The following WWOX variants were observed in gnomAD, a reference collection of about 807,000 sequenced individuals.
The protein encoded by WWOX is WW domain containing oxidoreductase.
A neutral mutation model predicts 46.2 loss-of-function variants in WWOX; 69 were observed. That is an observed-to-expected ratio of 1.49 (90% confidence interval 1.23 to 1.82). WWOX has a LOEUF of 1.82. WWOX is among the 40% of genes most tolerant of loss of function. The pLI is 0.00. For synonymous variants in WWOX, 359 were observed against 202.6 expected (o/e 1.77, Z -6.56); for missense variants, 919 against 542.6 (o/e 1.69, Z -6.89).
chr16:78,234,340 A>G (rs116095663), intron 5 of WWOX, among the ~76,000 whole-genome samples: 1,670 of 152,212 alleles, frequency 0.011, 18 homozygotes, highest in African/African-American at 0.023. Context: ...TGTTATTACA[A>G]TGCTGCTTTA....
intron 8 of WWOX, among the ~76,000 whole-genome samples, chr16:78,669,064 C>T (rs565854004): frequency 6.6e-6 from 1 of 152,208 alleles, no homozygotes; most frequent in Non-Finnish European, 1.5e-5. Context: ...GAAGGCCCTT[C>T]CACTGAAGCT....
intron 5 of WWOX, among the ~76,000 whole-genome samples, chr16:78,283,115 G>GT (rs2079708031): frequency 6.6e-6 from 1 of 152,238 alleles, no homozygotes; most frequent in East Asian, 1.9e-4. Context: ...AGGGGTAGCT[G>GT]TGAGATACTA....
intron 5 of WWOX, among the ~76,000 whole-genome samples, chr16:78,302,482 G>A (rs1285734530): frequency 6.6e-6 from 1 of 152,112 alleles, no homozygotes; most frequent in African/African-American, 2.4e-5. Flanking sequence ...CACTGCCTCA[G>A]GAGATATTGC....
chr16:78,879,050 A>C (rs899923617), intron 8 of WWOX, among the ~76,000 whole-genome samples: 1 of 152,004 alleles, frequency 6.6e-6, no homozygotes, highest in African/African-American at 2.4e-5. Flanking sequence ...CTGGATCTGG[A>C]AGGAAGGGAG....
chr16:78,828,764 A>G (rs1488456960), intron 8 of WWOX, among the ~76,000 whole-genome samples: 1 of 152,152 alleles, frequency 6.6e-6, no homozygotes, highest in Non-Finnish European at 1.5e-5. Context: ...AGTGGGCACA[A>G]TTATTATTTC....
At chr16:78,926,534 A>G (rs2045502530) in intron 8 of WWOX, among the ~76,000 whole-genome samples, 1 of 152,160 alleles carries the variant, frequency 6.6e-6, no homozygotes, top group African/African-American at 2.4e-5. Context: ...CAGCCATTTA[A>G]AAACTTGTTT....
intron 8 of WWOX, among the ~76,000 whole-genome samples, chr16:78,536,718 G>C (rs562900875): frequency 6.6e-6 from 1 of 152,032 alleles, no homozygotes; most frequent in Non-Finnish European, 1.5e-5. Flanking sequence ...ACTATGAAAA[G>C]GGAAAATGGA....
chr16:78,559,855 C>G (rs772205753), intron 8 of WWOX, among the ~76,000 whole-genome samples: 4 of 152,186 alleles, frequency 2.6e-5, no homozygotes, highest in Admixed American at 1.3e-4. Flanking sequence ...GCTCCACCCT[C>G]CTTCCCCCCT....
At chr16:78,630,281 C>G (rs576996655) in intron 8 of WWOX, among the ~76,000 whole-genome samples, 2 of 152,114 alleles carry the variant, frequency 1.3e-5, no homozygotes, top group African/African-American at 2.4e-5. Flanking sequence ...AGCAGACTGT[C>G]GCAAGCTTGG....
rs376384097 is a variant in WWOX at position 78,714,528 on chromosome 16, C to G, written c.1056+281776C>G. 3.4e-4 allele frequency among the ~76,000 whole-genome samples: 52 copies of G among 151,970 alleles called. 1 individual carries two copies. Among genetic ancestry groups the G allele is most frequent in the African/African-American group, 1.1e-3 (47 of 41,448 alleles). ...TCAAGATGAGATTTTGGTGGGGACA[C>G]AGACACACCATATCATGTCTTGGCA... is the stretch of plus-strand genomic sequence containing the variant. On this transcript the variant is annotated intron_variant, in intron 8 of 8. Coordinates refer to ENST00000566780, the MANE Select transcript of WWOX (RefSeq NM_016373.4).
At chr16:78,587,997 A>T (rs895549059) in intron 8 of WWOX, among the ~76,000 whole-genome samples, 1 of 152,220 alleles carries the variant, frequency 6.6e-6, no homozygotes, top group Admixed American at 6.5e-5. Context: ...TGGCAAATAG[A>T]TAAGATACAA....
intron 5 of WWOX, among the ~76,000 whole-genome samples, chr16:78,360,491 A>G (rs1363714610): frequency 1.3e-5 from 2 of 150,148 alleles, no homozygotes; most frequent in Non-Finnish European, 1.5e-5. Context: ...AGGCTGAGAC[A>G]TGAGAATCAC....
intron 8 of WWOX, among the ~76,000 whole-genome samples, chr16:78,870,208 C>G (rs1313210414): frequency 1.3e-5 from 2 of 152,198 alleles, no homozygotes; most frequent in African/African-American, 4.8e-5. Context: ...TCTGCTTCCT[C>G]AAGATTCTGT....
intron 8 of WWOX, among the ~76,000 whole-genome samples, chr16:78,573,869 A>G (rs764925103): frequency 6.6e-6 from 1 of 152,190 alleles, no homozygotes; most frequent in Non-Finnish European, 1.5e-5. Flanking sequence ...TTAAAACAGC[A>G]CACATTTATT....
chr16:79,209,819 T>G (rs1254002283), intron 8 of WWOX, among the ~76,000 whole-genome samples: 4 of 152,182 alleles, frequency 2.6e-5, no homozygotes, highest in African/African-American at 9.7e-5. Flanking sequence ...TTGAAGTTGT[T>G]TAGATAAATG....
chr16:78,395,934 G>T lies in WWOX; in HGVS notation c.605+8986G>T, dbSNP rs114801684. On this transcript the variant is annotated intron_variant, in intron 6 of 8. Coordinates refer to ENST00000566780, the MANE Select transcript of WWOX (RefSeq NM_016373.4). ...GATTTTAGGCATCTTTTTCAGATGA[G>T]TTGCCATAAAAGCAGCCTGCTCTGG... 1.8e-3 allele frequency among the ~76,000 whole-genome samples: 281 copies of T among 152,212 alleles called. 1 individual carries two copies. Among genetic ancestry groups the T allele is most frequent in the African/African-American group, 6.4e-3 (264 of 41,522 alleles).
intron 8 of WWOX, among the ~76,000 whole-genome samples, chr16:78,919,261 C>T (rs549086419): frequency 6.6e-6 from 1 of 152,046 alleles, no homozygotes; most frequent in African/African-American, 2.4e-5. Context: ...CCCCCCCACT[C>T]TTAGCCCACT....
intron 8 of WWOX, among the ~76,000 whole-genome samples, chr16:78,533,302 G>A (rs933057735): frequency 2.6e-5 from 4 of 151,982 alleles, no homozygotes; most frequent in Non-Finnish European, 5.9e-5. Flanking sequence ...CAGCACTTTT[G>A]GGTCAGTTGA....
At chr16:78,132,307 T>C (rs2033632323) in intron 4 of WWOX, among the ~76,000 whole-genome samples, 1 of 151,884 alleles carries the variant, frequency 6.6e-6, no homozygotes, top group African/African-American at 2.4e-5. Flanking sequence ...ATTACAGGCG[T>C]GAGCCACCAC....
Sources: allele counts gnomAD v4.1 joint callset (sites outside exome capture counted in the v4.1 genomes callset), GRCh38; gene constraint gnomAD v4.1.1; transcripts MANE v1.5; gene names NCBI Gene and HGNC (gene_info 2026-07-23, HGNC 2026-07-21).